Variants in AHCTF1 observed in about 807,000 individuals in gnomAD.
AHCTF1 encodes protein ELYS.
A neutral mutation model predicts 248.4 loss-of-function variants in AHCTF1; 24 were observed. The observed-to-expected ratio is 0.10, with a 90% CI of 0.07 to 0.14. The LOEUF is 0.14. AHCTF1 is among the 10% of genes least tolerant of loss of function. The pLI, the probability that AHCTF1 is intolerant of heterozygous loss-of-function variation, is 1.00. For missense variants in AHCTF1, 2,206 were observed against 2,636.2 expected (o/e 0.84, Z 3.57); for synonymous variants, 786 against 929.8 (o/e 0.85, Z 2.81).
At chr1:246,857,407 G>A (rs1313831884) in intron 30 of AHCTF1, among the ~76,000 whole-genome samples, 1 of 152,214 alleles carries the variant, frequency 6.6e-6, no homozygotes, top group Non-Finnish European at 1.5e-5. Flanking sequence ...CAGAGGGCAT[G>A]GAGGTATGCA....
Position 246,853,084 on chromosome 1 carries a change from T to C in AHCTF1, c.4563+7A>G, listed in dbSNP as rs12123173. ...TGATAAAGAAGTAAAAAATTAATTT[T>C]TTTTACATGAATTTCTTGAGTATCA... On this transcript the variant is annotated splice_region_variant and intron_variant, in intron 32 of 35. Coordinates refer to ENST00000648844, the MANE Select transcript of AHCTF1 (RefSeq NM_001323342.2). The C allele has an allele frequency of 0.026, 42,240 of 1,601,838 alleles. 675 individuals carry two copies. Among genetic ancestry groups the C allele is most frequent in the Non-Finnish European group, 0.031 (36,471 of 1,174,830 alleles).
chr1:246,896,960 C>T (rs186711914), intron 12 of AHCTF1, among the ~76,000 whole-genome samples: 19 of 152,272 alleles, frequency 1.2e-4, no homozygotes, highest in African/African-American at 4.6e-4. Context: ...AAAACAGAAA[C>T]GTCTGCTACT....
At chr1:246,923,409 T>C (rs1419367635) in intron 1 of AHCTF1, among the ~76,000 whole-genome samples, 1 of 151,940 alleles carries the variant, frequency 6.6e-6, no homozygotes, top group African/African-American at 2.4e-5. Context: ...CAAGACTCTG[T>C]CCCAAAAATA....
At chr1:246,895,708 G>C (rs1572429985) in intron 13 of AHCTF1, 127 bp downstream of exon 13, 5 of 746,924 alleles carry the variant, frequency 6.7e-6, no homozygotes, top group Non-Finnish European at 1.1e-5. Flanking sequence ...TCTCTCTATT[G>C]CATCTTAACA....
intron 31 of AHCTF1, among the ~76,000 whole-genome samples, chr1:246,854,245 G>A (rs1299213496): frequency 1.2e-5 from 1 of 86,470 alleles, no homozygotes; most frequent in East Asian, 2.8e-4. Context: ...CTTGCAGTGA[G>A]CCGAGATTGC....
chr1:246,922,333 G>A (rs574015563), intron 1 of AHCTF1, among the ~76,000 whole-genome samples: 14 of 151,986 alleles, frequency 9.2e-5, no homozygotes, highest in South Asian at 4.2e-4. Context: ...GCACTCCAGC[G>A]CGGGTGACAG....
At chr1:246,909,815 T>A (rs1665671707) in intron 4 of AHCTF1, among the ~76,000 whole-genome samples, 1 of 152,194 alleles carries the variant, frequency 6.6e-6, no homozygotes, top group Non-Finnish European at 1.5e-5. Flanking sequence ...CAGAGGGCTA[T>A]CCTGTACACT....
rs1288685284 is a variant in AHCTF1, at chr1:246,882,284, A to ACC, written c.2660+3207_2660+3208dup. On this transcript the variant is annotated intron_variant, in intron 21 of 35. Coordinates refer to ENST00000648844, the MANE Select transcript of AHCTF1 (RefSeq NM_001323342.2). ...AGTGCTGGGATTACAGGCATGAGCC[A>ACC]CCGCACCTGGCCTATTATTACTTTT... Among the ~76,000 whole-genome samples the ACC allele has an allele frequency of 7.9e-5, 12 of 152,282 alleles. No homozygotes were observed. In the East Asian group the frequency reaches 2.3e-3, roughly 29 times the overall value.
At chr1:246,926,559 A>C (rs777147489) in intron 1 of AHCTF1, among the ~76,000 whole-genome samples, 9 of 152,250 alleles carry the variant, frequency 5.9e-5, no homozygotes, top group Non-Finnish European at 8.8e-5. Flanking sequence ...GAAACACTCT[A>C]TTATTAGAAA....
intron 4 of AHCTF1, among the ~76,000 whole-genome samples, chr1:246,909,390 C>T (rs1220065641): frequency 1.0e-5 from 1 of 99,924 alleles, no homozygotes; most frequent in Non-Finnish European, 1.8e-5. Flanking sequence ...GCACTCCAGC[C>T]TCTCAAAAAA....
intron 10 of AHCTF1, among the ~76,000 whole-genome samples, chr1:246,899,796 C>G (rs1359548516): frequency 6.6e-6 from 1 of 152,084 alleles, no homozygotes; most frequent in Non-Finnish European, 1.5e-5. Context: ...AGATGTGAAA[C>G]AGTTAATATC....
At chr1:246,874,069 T>C (rs1257961843) in intron 24 of AHCTF1, among the ~76,000 whole-genome samples, 1 of 152,128 alleles carries the variant, frequency 6.6e-6, no homozygotes, top group Admixed American at 6.6e-5. Flanking sequence ...TCACCATTAA[T>C]ATTTTATTAT....
intron 29 of AHCTF1, 33 bp downstream of exon 29, chr1:246,860,866 A>C (rs760403673): frequency 1.9e-6 from 3 of 1,583,190 alleles, no homozygotes; most frequent in South Asian, 2.3e-5. Flanking sequence ...GGACATTAAT[A>C]ACAATTTTGA....
At chr1:246,855,323 T>TA (rs944033613) in intron 31 of AHCTF1, among the ~76,000 whole-genome samples, 69 of 150,834 alleles carry the variant, frequency 4.6e-4, no homozygotes, top group East Asian at 1.4e-3. Flanking sequence ...CTCATTGGAT[T>TA]AAAAAAAAAA....
At chr1:246,851,493 T>A in intron 32 of AHCTF1, 51 bp from the exon 33 acceptor site, 1 of 1,491,076 alleles carries the variant, frequency 6.7e-7, no homozygotes, top group Non-Finnish European at 9.0e-7. Context: ...ATACATGTTT[T>A]AACTTGAAGC....
In AHCTF1 at chr1:246,877,022, T is replaced by G; in HGVS notation, c.2865A>C (p.Leu955Phe). Residue 955 changes from leucine to phenylalanine, a missense_variant, in exon 23 of 36, where the codon TTA (leucine) becomes TTC (phenylalanine). Leu to Phe is a conservative substitution (Grantham distance 22). Transcript: ENST00000648844. ...SASVQNHEFL[L>F]VHHLQRANYV... ...AATTGGCACGCTGCAAATGGTGCAC[T>G]AAAAGGAATTCATGATTCTGAACGC... 1 of 1,612,170 alleles carries G rather than the reference T, an allele frequency of 6.2e-7. No individual in the cohort carries two copies. The highest frequency in any genetic ancestry group is 8.5e-7 in the Non-Finnish European group (1 of 1,179,970).
intron 8 of AHCTF1, among the ~76,000 whole-genome samples, chr1:246,900,803 G>A (rs1048682786): frequency 6.6e-6 from 1 of 152,198 alleles, no homozygotes; most frequent in South Asian, 2.1e-4. Flanking sequence ...AGGACGGTAC[G>A]GAGCTAGTAC....
intron 25 of AHCTF1, 136 bp downstream of exon 25, chr1:246,867,523 CAT>C: frequency 8.4e-7 from 1 of 1,193,398 alleles, no homozygotes; most frequent in Non-Finnish European, 1.2e-6. Context: ...TTCTCAGAAA[CAT>C]AGCCAACATA....
intron 1 of AHCTF1, among the ~76,000 whole-genome samples, chr1:246,921,522 T>C (rs1462039846): frequency 1.3e-5 from 2 of 152,194 alleles, no homozygotes; most frequent in African/African-American, 4.8e-5. Context: ...ATGAGTAGTT[T>C]TAAATTATAG....
Sources: allele counts gnomAD v4.1 joint callset (sites outside exome capture counted in the v4.1 genomes callset), GRCh38; gene constraint gnomAD v4.1.1; transcripts MANE v1.5; gene names NCBI Gene and HGNC (gene_info 2026-07-23, HGNC 2026-07-21).